Variants in RAB38 observed in about 807,000 individuals in gnomAD.
RAB38 encodes ras-related protein Rab-38.
RAB38 carries 15 observed loss-of-function variants against 18.4 expected under a neutral mutation model. The observed-to-expected ratio is 0.82, with a 90% CI of 0.55 to 1.26. The LOEUF (loss-of-function observed/expected upper bound fraction) is 1.26, where lower values mean the gene tolerates loss of function less well. Among genes scored for constraint, RAB38 ranks in the 50% most tolerant of loss-of-function variants. RAB38 has a pLI of 0.00. For missense variants in RAB38, 294 were observed against 267.4 expected, an observed-to-expected ratio of 1.10 and a Z score of -0.69; for synonymous variants, 101 against 104.4, an observed-to-expected ratio of 0.97 and a Z score of 0.20.
At chr11:87,804,304 C>T in the RAB38 span, among the ~76,000 whole-genome samples, 2 of 152,078 alleles carry the variant, frequency 1.3e-5, no homozygotes, top group African/African-American at 4.8e-5. Context: ...ATTGTCCTAG[C>T]ATTAACTAGA....
chr11:88,005,226 G>C, the RAB38 span, among the ~76,000 whole-genome samples: 5 of 151,482 alleles, frequency 3.3e-5, no homozygotes, highest in East Asian at 1.9e-4. Flanking sequence ...CACACTACCA[G>C]ATTACGTAGA....
chr11:88,170,584 C>T (rs1391173944), intron 1 of RAB38, among the ~76,000 whole-genome samples: 1 of 152,194 alleles, frequency 6.6e-6, no homozygotes, highest in Non-Finnish European at 1.5e-5. Flanking sequence ...TTTAAGGACT[C>T]CTGACACTGG....
At chr11:87,977,520 T>C in the RAB38 span, among the ~76,000 whole-genome samples, 6,523 of 92,368 alleles carry the variant, frequency 0.071, 898 homozygotes, top group Middle Eastern at 0.092. Context: ...TGTAATTATA[T>C]AGATAATATA....
the RAB38 span, among the ~76,000 whole-genome samples, chr11:87,939,846 C>T: frequency 7.2e-5 from 11 of 152,044 alleles, no homozygotes; most frequent in Admixed American, 5.9e-4. Context: ...GAGCTACGAG[C>T]GTGCCACTAT....
chr11:88,036,596 G>C, the RAB38 span, among the ~76,000 whole-genome samples: 1 of 151,902 alleles, frequency 6.6e-6, no homozygotes, highest in Non-Finnish European at 1.5e-5. Flanking sequence ...ACATTTTATT[G>C]AGTGTACCTT....
the RAB38 span, among the ~76,000 whole-genome samples, chr11:87,840,830 A>C: frequency 6.6e-6 from 1 of 152,184 alleles, no homozygotes; most frequent in Non-Finnish European, 1.5e-5. Context: ...TACTCTTTGT[A>C]TACATTTTCA....
the RAB38 span, among the ~76,000 whole-genome samples, chr11:87,977,222 A>AT: frequency 4.4e-5 from 5 of 114,886 alleles, 2 homozygotes; most frequent in African/African-American, 1.7e-4. Context: ...TATAAAATAT[A>AT]ATTATATTAT....
At chr11:87,950,279 G>GTCTC in the RAB38 span, among the ~76,000 whole-genome samples, 1 of 152,168 alleles carries the variant, frequency 6.6e-6, no homozygotes, top group African/African-American at 2.4e-5. Flanking sequence ...GCCTATGTGT[G>GTCTC]TCTCTGCACG....
the RAB38 span, among the ~76,000 whole-genome samples, chr11:88,028,475 CT>C: frequency 2.6e-5 from 4 of 152,062 alleles, no homozygotes; most frequent in Non-Finnish European, 5.9e-5. Flanking sequence ...AAGTTGAAAA[CT>C]TTGAAAAAAA....
At chr11:88,167,302 A>G (rs1241649105) in intron 1 of RAB38, 1 of 152,176 alleles carries the variant, frequency 6.6e-6, no homozygotes, top group African/African-American at 2.4e-5. Context: ...TGTAAAAATC[A>G]TAGATGTGAG....
chr11:87,868,608 A>AGAGAGAGAGAGAGAAG, the RAB38 span, among the ~76,000 whole-genome samples: 9,327 of 101,964 alleles, frequency 0.091, 568 homozygotes, highest in East Asian at 0.097. Context: ...AGAGAGAGAG[A>AGAGAGAGAGAGAGAAG]GAGAGAGAGA....
chr11:87,938,044 A>G, the RAB38 span, among the ~76,000 whole-genome samples: 1 of 152,054 alleles, frequency 6.6e-6, no homozygotes, highest in African/African-American at 2.4e-5. Context: ...TTTTCACATT[A>G]TATACTGAGA....
At chr11:88,034,900 A>G in the RAB38 span, among the ~76,000 whole-genome samples, 1 of 152,232 alleles carries the variant, frequency 6.6e-6, no homozygotes, top group Non-Finnish European at 1.5e-5. Flanking sequence ...GCATGTGTTT[A>G]TTATTGGTAA....
chr11:88,155,559 T>C (rs549884185), intron 1 of RAB38, among the ~76,000 whole-genome samples: 1 of 152,102 alleles, frequency 6.6e-6, no homozygotes, highest in East Asian at 1.9e-4. Context: ...ATGAAAATAA[T>C]TACAAAAATT....
At chr11:88,073,042 A>G in the RAB38 span, among the ~76,000 whole-genome samples, 2 of 152,180 alleles carry the variant, frequency 1.3e-5, no homozygotes, top group Non-Finnish European at 2.9e-5. Context: ...GGCACCAAAC[A>G]CAGAAAATCT....
the RAB38 span, among the ~76,000 whole-genome samples, chr11:87,900,661 TAGGAAGGAAGGA>T: frequency 0.11 from 15,052 of 131,216 alleles, 923 homozygotes; most frequent in African/African-American, 0.19. Flanking sequence ...GAAAGAAAGG[TAGGAAGGAAGGA>T]AGGAAGGAAG....
chr11:87,974,266 C>T, the RAB38 span, among the ~76,000 whole-genome samples: 1 of 151,310 alleles, frequency 6.6e-6, no homozygotes, highest in Non-Finnish European at 1.5e-5. Flanking sequence ...GGCAAAGCTC[C>T]ACAGAAAAAA....
chr11:88,027,692 G>A, the RAB38 span, among the ~76,000 whole-genome samples: 5,038 of 152,180 alleles, frequency 0.033, 215 homozygotes, highest in South Asian at 0.074. Context: ...CATTGCCCAG[G>A]CTTGCTTAGG....
chr11:88,059,355 G>A, the RAB38 span, among the ~76,000 whole-genome samples: 1 of 152,076 alleles, frequency 6.6e-6, no homozygotes, highest in Non-Finnish European at 1.5e-5. Context: ...TTCTTAATAG[G>A]GGTATAATTC....
Sources: gnomAD v4.1 joint callset for allele counts (sites outside exome capture counted in the v4.1 genomes callset) on GRCh38, gnomAD v4.1.1 for gene constraint, MANE v1.5 for transcripts, NCBI Gene and HGNC (gene_info 2026-07-23, HGNC 2026-07-21) for gene names.